ZDHHC1: variants seen among roughly 807,000 people sequenced by gnomAD.
The protein encoded by ZDHHC1 is zDHHC palmitoyltransferase 1.
Under a neutral mutation model 46.9 loss-of-function variants are expected in ZDHHC1, and 45 were observed. The ratio of observed to expected loss-of-function variants is 0.96; its 90% confidence interval spans 0.76 to 1.23. The LOEUF (loss-of-function observed/expected upper bound fraction) is 1.23. Ranked by LOEUF, ZDHHC1 falls within the 50% of genes most tolerant of loss-of-function variation. The pLI is 0.00. For missense variants in ZDHHC1, 649 were observed against 670.8 expected (o/e 0.97, Z 0.36); for synonymous variants, 291 against 286.0 (o/e 1.02, Z -0.18).
chr16:67,398,393 C>A, intron 7 of ZDHHC1, 69 bp from the exon 8 acceptor site: 1 of 1,550,226 alleles, frequency 6.5e-7, no homozygotes, highest in Non-Finnish European at 8.8e-7. Flanking sequence ...GGAGGGAGGA[C>A]AACCAGCCCC....
At chr16:67,409,388 A>G (rs540642202) in intron 1 of ZDHHC1, among the ~76,000 whole-genome samples, 3 of 152,256 alleles carry the variant, frequency 2.0e-5, no homozygotes, top group Admixed American at 2.0e-4. Flanking sequence ...CGATACTCCA[A>G]ATCAGGCCCA....
chr16:67,394,835 A>G lies in ZDHHC1; in HGVS notation c.1224T>C (p.Pro408=). The change falls in exon 12 of 12, where the codon CCT becomes CCC. Residue 408 remains proline, a synonymous_variant. Transcript: ENST00000565726. ...SSSTDSADAS[P]VHAAGPAGAY... Reference sequence around the variant, plus strand: ...CGCCGGCAGGGCCAGCGGCGTGCACAGGGCTGGCGTCCGCGGAATCCGTCG... The same window carrying G: ...CGCCGGCAGGGCCAGCGGCGTGCACGGGGCTGGCGTCCGCGGAATCCGTCG... 1.3e-6 allele frequency: 2 copies of G among 1,546,370 alleles called. No individual in the cohort carries two copies. Among genetic ancestry groups the G allele is most frequent in the Non-Finnish European group, 1.7e-6 (2 of 1,149,740 alleles).
intron 9 of ZDHHC1, 48 bp from the exon 10 acceptor site, chr16:67,395,328 C>T (rs963441380): frequency 4.7e-6 from 7 of 1,495,092 alleles, no homozygotes; most frequent in Non-Finnish European, 6.2e-6. Flanking sequence ...CCCCAAATCC[C>T]TCCCCACTGG....
intron 1 of ZDHHC1, 62 bp from the exon 2 acceptor site, chr16:67,407,875 T>C: frequency 1.4e-6 from 1 of 735,044 alleles, no homozygotes; most frequent in East Asian, 2.6e-5. Context: ...CCCTAAGCCA[T>C]CTGGCCTGCT....
At chr16:67,397,004 T>C (rs1263403183) in intron 8 of ZDHHC1, among the ~76,000 whole-genome samples, 2 of 152,158 alleles carry the variant, frequency 1.3e-5, no homozygotes, top group Non-Finnish European at 2.9e-5. Flanking sequence ...GTCCAGAGGA[T>C]ACTGTCTCAG....
At chr16:67,404,743 CCTT>C (rs1321407730) in intron 3 of ZDHHC1, 2 of 455,898 alleles carry the variant, frequency 4.4e-6, no homozygotes, top group South Asian at 1.5e-5. Flanking sequence ...GAGAATACCT[CCTT>C]AAGGATTACA....
At chr16:67,413,573 C>A (rs1003866499) in intron 1 of ZDHHC1, among the ~76,000 whole-genome samples, 1 of 152,196 alleles carries the variant, frequency 6.6e-6, no homozygotes, top group African/African-American at 2.4e-5. Flanking sequence ...TCAAGCTGTT[C>A]CCAAAGACCT....
rs2040490502 is a variant in ZDHHC1, at chr16:67,398,934, G to A, written c.541C>T (p.His181Tyr). The A allele has an allele frequency of 6.2e-7, 1 of 1,612,990 alleles. No homozygotes were observed. Among genetic ancestry groups the A allele is most frequent in the South Asian group, 1.1e-5 (1 of 90,804 alleles). ...CCCAGTAAAGCGGATGCAACACTGT[G>A]TAGAAAGAGCCTGGGCCCAGCCATG... ...VGERNYRLFL[H>Y]SVASALLGVL... is the part of the protein sequence containing the mutation. The change falls in exon 6 of 12, where the codon CAC (histidine) becomes TAC (tyrosine). Residue 181 changes from histidine (H) to tyrosine (Y), a missense_variant. Physicochemically the swap from His to Tyr is moderately conservative, Grantham distance 83. Transcript: ENST00000565726.
rs78129634 is a variant in ZDHHC1, at chr16:67,408,672, G to A, written c.-38-859C>T. Reference sequence around the variant, plus strand: ...TAGCTATTTATTTTTTATTTTTGCAGAGACAGTCCCACTATGTTGCCCAGG... The same window carrying A: ...TAGCTATTTATTTTTTATTTTTGCAAAGACAGTCCCACTATGTTGCCCAGG... On this transcript the variant is annotated intron_variant, in intron 1 of 11. Coordinates refer to ENST00000565726, the MANE Select transcript of ZDHHC1 (RefSeq NM_001323627.2). 4.7e-3 allele frequency among the ~76,000 whole-genome samples: 710 copies of A among 152,104 alleles called. 4 individuals carry two copies. Among genetic ancestry groups the A allele is most frequent in the African/African-American group, 0.016 (655 of 41,486 alleles).
intron 4 of ZDHHC1, 119 bp from the exon 5 acceptor site, chr16:67,399,575 C>G (rs1567517372): frequency 1.3e-6 from 1 of 773,720 alleles, no homozygotes; most frequent in Non-Finnish European, 1.9e-6. Flanking sequence ...GAGACAGCCC[C>G]GAGCGAGGCG....
chr16:67,407,176 G>A (rs1032063947), intron 2 of ZDHHC1, among the ~76,000 whole-genome samples: 1 of 152,208 alleles, frequency 6.6e-6, no homozygotes, highest in Non-Finnish European at 1.5e-5. Context: ...CCACCAGATG[G>A]CATCAACCAC....
At position 67,398,780 on chromosome 16, in the gene ZDHHC1, C is replaced by T. The variant is rs749451369; in HGVS notation, c.655+40G>A. ...CTCAGCCGGGGACGTGACGGGTGAC[C>T]AGGGTTGGGGGTGAGAATAGGCCCG... On this transcript the variant is annotated intron_variant, in intron 6 of 11. Transcript: ENST00000565726. The T allele has an allele frequency of 1.5e-4, 243 of 1,612,058 alleles. 1 individual carries two copies. Among genetic ancestry groups the T allele is most frequent in the Non-Finnish European group, 1.8e-4 (211 of 1,179,316 alleles).
intron 8 of ZDHHC1, chr16:67,395,907 A>AG (rs1266996654): frequency 1.0e-5 from 3 of 299,358 alleles, no homozygotes; most frequent in Non-Finnish European, 1.9e-5. Context: ...TGGTGTCCCC[A>AG]GGGATCCAGC....
chr16:67,398,130 G>A (rs1362959093), intron 8 of ZDHHC1, 82 bp downstream of exon 8: 7 of 1,399,600 alleles, frequency 5.0e-6, no homozygotes, highest in Non-Finnish European at 7.0e-6. Flanking sequence ...TGCCTCCCTT[G>A]CCCTGTCTCC....
At chr16:67,415,876 A>G (rs1276343969) in intron 1 of ZDHHC1, among the ~76,000 whole-genome samples, 3 of 152,212 alleles carry the variant, frequency 2.0e-5, no homozygotes, top group Non-Finnish European at 4.4e-5. Flanking sequence ...TTAGTCATGT[A>G]TGACATCCGC....
At chr16:67,404,437 T>C in intron 3 of ZDHHC1, 1 of 288,842 alleles carries the variant, frequency 3.5e-6, no homozygotes, top group East Asian at 8.2e-5. Context: ...GGTGGGTACC[T>C]GGTACCCATT....
At position 67,405,800 on chromosome 16, in the gene ZDHHC1, C is replaced by T. The variant is rs190484085; in HGVS notation, c.252+400G>A. Among the ~76,000 whole-genome samples, 6 of 152,332 alleles carry T rather than the reference C, an allele frequency of 3.9e-5. No homozygotes were observed. In the South Asian group the frequency reaches 6.2e-4, roughly 16 times the overall value. On this transcript the variant is annotated intron_variant, in intron 3 of 11. Coordinates refer to ENST00000565726, the MANE Select transcript of ZDHHC1 (RefSeq NM_001323627.2). Reference sequence around the variant, plus strand: ...ACACTTATTATGTAAAAGAATTCTACGGTGACTCTTTGAAAAGTGAAAAAT... The same window carrying T: ...ACACTTATTATGTAAAAGAATTCTATGGTGACTCTTTGAAAAGTGAAAAAT...
chr16:67,404,866 T>C (rs566157447), intron 3 of ZDHHC1, among the ~76,000 whole-genome samples: 3 of 152,390 alleles, frequency 2.0e-5, no homozygotes, highest in South Asian at 2.1e-4. Context: ...GCTCTGCTTC[T>C]ACTTGTACAA....
At chr16:67,403,267 TG>T (rs1283622905) in intron 3 of ZDHHC1, among the ~76,000 whole-genome samples, 3 of 152,240 alleles carry the variant, frequency 2.0e-5, no homozygotes, top group Non-Finnish European at 4.4e-5. Flanking sequence ...ACCAGAAGTC[TG>T]GGTTTTTATG....
Sources: gnomAD v4.1 joint callset for allele counts (sites outside exome capture counted in the v4.1 genomes callset) on GRCh38, gnomAD v4.1.1 for gene constraint, MANE v1.5 for transcripts, NCBI Gene and HGNC (gene_info 2026-07-23, HGNC 2026-07-21) for gene names.